The following LRBA variants were observed in gnomAD, a reference collection of about 807,000 sequenced individuals.
LRBA encodes the protein lipopolysaccharide-responsive and beige-like anchor protein.
A neutral mutation model predicts 330.0 loss-of-function variants in LRBA; 176 were observed. The observed-to-expected ratio is 0.53, with a 90% CI of 0.47 to 0.60. LRBA has a LOEUF of 0.60. Ranked by LOEUF, LRBA falls within the 20% of genes least tolerant of loss-of-function variation. The pLI is 0.00. For synonymous variants in LRBA, 1,230 were observed against 1,193.0 expected, an observed-to-expected ratio of 1.03 and a Z score of -0.64; for missense variants, 3,259 against 3,444.8, an observed-to-expected ratio of 0.95 and a Z score of 1.35.
At chr4:150,376,049 C>G (rs1269548427) in intron 47 of LRBA, among the ~76,000 whole-genome samples, 1 of 152,048 alleles carries the variant, frequency 6.6e-6, no homozygotes, top group Non-Finnish European at 1.5e-5. Flanking sequence ...ATTAATTAGG[C>G]AAACAATATA....
At chr4:150,881,164 C>T (rs951654811) in intron 17 of LRBA, among the ~76,000 whole-genome samples, 67 of 152,194 alleles carry the variant, frequency 4.4e-4, no homozygotes, top group African/African-American at 1.3e-3. Flanking sequence ...ATTTTATTAC[C>T]GGGTACATAT....
intron 35 of LRBA, among the ~76,000 whole-genome samples, chr4:150,742,797 C>A (rs1173186384): frequency 6.6e-6 from 1 of 151,992 alleles, no homozygotes; most frequent in East Asian, 1.9e-4. Context: ...ACTCAAAAGG[C>A]CAAGGCAGGA....
intron 4 of LRBA, among the ~76,000 whole-genome samples, chr4:150,927,998 G>A (rs1734066159): frequency 1.3e-5 from 2 of 152,140 alleles, no homozygotes; most frequent in Non-Finnish European, 2.9e-5. Context: ...CCTCTTCAAT[G>A]GGACAGATAA....
At chr4:150,643,000 G>A (rs1451615496) in intron 37 of LRBA, among the ~76,000 whole-genome samples, 2 of 151,844 alleles carry the variant, frequency 1.3e-5, no homozygotes, top group African/African-American at 4.8e-5. Context: ...TGCAGGACCT[G>A]TATCTTTCAT....
chr4:150,346,551 G>A (rs371489989), intron 48 of LRBA, among the ~76,000 whole-genome samples: 3 of 151,932 alleles, frequency 2.0e-5, no homozygotes, highest in East Asian at 3.9e-4. Flanking sequence ...CATGAGGTCA[G>A]GAGTTCGAGA....
chr4:150,961,901 G>C (rs1288906684), intron 2 of LRBA, among the ~76,000 whole-genome samples: 1 of 149,242 alleles, frequency 6.7e-6, no homozygotes, highest in East Asian at 1.9e-4. Flanking sequence ...TATATTAAAT[G>C]TCTGACTACT....
At chr4:150,574,780 T>C (rs1439457804) in intron 40 of LRBA, among the ~76,000 whole-genome samples, 1 of 152,016 alleles carries the variant, frequency 6.6e-6, no homozygotes, top group Non-Finnish European at 1.5e-5. Context: ...ATATTAGAAA[T>C]AGAAGGCCCA....
chr4:150,278,831 T>C (rs1451391052), intron 55 of LRBA, among the ~76,000 whole-genome samples: 4 of 152,082 alleles, frequency 2.6e-5, no homozygotes, highest in African/African-American at 7.2e-5. Flanking sequence ...AGGTTTTTTT[T>C]TTTCCCCCCT....
chr4:150,601,764 T>A (rs1275617271), intron 37 of LRBA, among the ~76,000 whole-genome samples: 1 of 152,090 alleles, frequency 6.6e-6, no homozygotes, highest in African/African-American at 2.4e-5. Flanking sequence ...CTATCTCTGC[T>A]CACTGCAAGC....
chr4:150,953,316 A>T (rs1737063527), intron 2 of LRBA, among the ~76,000 whole-genome samples: 1 of 152,072 alleles, frequency 6.6e-6, no homozygotes, highest in African/African-American at 2.4e-5. Context: ...ACTCATCCAT[A>T]AAACAAATCT....
intron 31 of LRBA, among the ~76,000 whole-genome samples, chr4:150,814,559 C>G (rs1013624163): frequency 3.3e-5 from 5 of 151,314 alleles, no homozygotes; most frequent in Non-Finnish European, 5.9e-5. Context: ...GATGTGGAAA[C>G]CAAAACAAAT....
intron 36 of LRBA, among the ~76,000 whole-genome samples, chr4:150,701,720 G>T (rs138810360): frequency 5.9e-5 from 9 of 152,086 alleles, no homozygotes; most frequent in Admixed American, 1.3e-4. Flanking sequence ...GTCCAAAACC[G>T]CCATGGTAGT....
chr4:150,551,640 C>A (rs1325458105), intron 40 of LRBA, among the ~76,000 whole-genome samples: 1 of 151,786 alleles, frequency 6.6e-6, no homozygotes, highest in Non-Finnish European at 1.5e-5. Context: ...TGCACTCCAG[C>A]CTGGGTGACA....
At chr4:150,735,736 C>T (rs1371624181) in intron 35 of LRBA, among the ~76,000 whole-genome samples, 1 of 152,266 alleles carries the variant, frequency 6.6e-6, no homozygotes, top group East Asian at 1.9e-4. Context: ...TACATTAAGG[C>T]ATTTGCTATT....
At chr4:150,591,176 A>G (rs1340897349) in intron 38 of LRBA, among the ~76,000 whole-genome samples, 2 of 152,190 alleles carry the variant, frequency 1.3e-5, no homozygotes, top group Non-Finnish European at 2.9e-5. Context: ...AAAATTCATT[A>G]ATAGGAACAA....
chr4:150,751,904 C>T (rs954982466), intron 35 of LRBA, among the ~76,000 whole-genome samples: 2 of 152,144 alleles, frequency 1.3e-5, no homozygotes, highest in African/African-American at 2.4e-5. Context: ...AGCACATACA[C>T]ATTTTCACCA....
intron 56 of LRBA, among the ~76,000 whole-genome samples, chr4:150,271,903 A>T (rs551876270): frequency 6.6e-6 from 1 of 152,248 alleles, no homozygotes; most frequent in Admixed American, 6.5e-5. Flanking sequence ...GGGACAGAGC[A>T]CCTGGGGGAA....
intron 37 of LRBA, among the ~76,000 whole-genome samples, chr4:150,614,837 G>A (rs1775609811): frequency 6.6e-6 from 1 of 152,194 alleles, no homozygotes; most frequent in Admixed American, 6.5e-5. Flanking sequence ...TTCCCTGGCT[G>A]GGTAGCCATT....
At chr4:150,927,309 C>A (rs1330981405) in intron 4 of LRBA, among the ~76,000 whole-genome samples, 4 of 149,894 alleles carry the variant, frequency 2.7e-5, no homozygotes, top group African/African-American at 9.8e-5. Context: ...GGAGGCAGAG[C>A]TTGCAGTGAG....
Sources: gnomAD v4.1 joint callset for allele counts (sites outside exome capture counted in the v4.1 genomes callset) on GRCh38, gnomAD v4.1.1 for gene constraint, MANE v1.5 for transcripts, NCBI Gene and HGNC (gene_info 2026-07-23, HGNC 2026-07-21) for gene names.